PKP4: variants seen among roughly 807,000 people sequenced by gnomAD.
PKP4 encodes plakophilin-4.
A neutral mutation model predicts 145.1 loss-of-function variants in PKP4; 90 were observed. The ratio of observed to expected loss-of-function variants is 0.62; its 90% CI spans 0.52 to 0.74. The LOEUF (loss-of-function observed/expected upper bound fraction) is 0.74, where lower values mean the gene tolerates loss of function less well. Among genes scored for constraint, PKP4 ranks in the 30% least tolerant of loss-of-function variants. PKP4 has a pLI of 0.00. For missense variants in PKP4, 1,340 were observed against 1,482.7 expected (o/e 0.90, Z 1.58); for synonymous variants, 563 against 577.2 (o/e 0.98, Z 0.35).
intron 1 of PKP4, among the ~76,000 whole-genome samples, chr2:158,522,882 AAAATCGG>A (rs2042533593): frequency 6.6e-6 from 1 of 152,212 alleles, no homozygotes; most frequent in Non-Finnish European, 1.5e-5. Flanking sequence ...ACGCACCTGG[AAAATCGG>A]GTCACTCCCA....
chr2:158,677,270 C>A, intron 20 of PKP4: 1 of 258,258 alleles, frequency 3.9e-6, no homozygotes, highest in East Asian at 8.3e-5. Flanking sequence ...TGGCTCATCT[C>A]TTAAATTCAA....
chr2:158,666,306 C>A, intron 15 of PKP4, 107 bp from the exon 16 acceptor site: 5 of 1,000,964 alleles, frequency 5.0e-6, no homozygotes, highest in East Asian at 5.8e-5. Context: ...GGAAAGAAAC[C>A]ATTTAATCTA....
chr2:158,668,939 T>C (rs1052221045), intron 16 of PKP4, among the ~76,000 whole-genome samples: 12 of 152,264 alleles, frequency 7.9e-5, no homozygotes, highest in Admixed American at 7.2e-4. Context: ...ACTTACAGTT[T>C]GTCAGTTGGT....
intron 11 of PKP4, among the ~76,000 whole-genome samples, chr2:158,646,743 T>G (rs2054864808): frequency 6.6e-6 from 1 of 152,164 alleles, no homozygotes. Context: ...GGGGGAGACC[T>G]CAGAACTCAT....
intron 3 of PKP4, among the ~76,000 whole-genome samples, chr2:158,594,242 A>C (rs575898769): frequency 5.0e-4 from 76 of 152,294 alleles, no homozygotes; most frequent in African/African-American, 1.8e-3. Context: ...GGTCAGGAAC[A>C]GCTATAGCCT....
intron 1 of PKP4, among the ~76,000 whole-genome samples, chr2:158,469,248 C>A (rs1373403698): frequency 6.6e-6 from 1 of 151,862 alleles, no homozygotes; most frequent in Non-Finnish European, 1.5e-5. Flanking sequence ...CACCACCATG[C>A]CCAGCTAATT....
At chr2:158,662,672 A>T (rs774389995) in intron 13 of PKP4, 116 of 386,976 alleles carry the variant, frequency 3.0e-4, no homozygotes, top group Middle Eastern at 2.8e-3. Flanking sequence ...GTCGGCATGA[A>T]GTCAAATCCT....
At chr2:158,585,429 A>T (rs2048720046) in intron 3 of PKP4, among the ~76,000 whole-genome samples, 1 of 152,200 alleles carries the variant, frequency 6.6e-6, no homozygotes, top group South Asian at 2.1e-4. Flanking sequence ...TATTTTTTAC[A>T]CTTGATCGAG....
At chr2:158,575,801 AC>A (rs199859089) in intron 2 of PKP4, among the ~76,000 whole-genome samples, 9,448 of 151,236 alleles carry the variant, frequency 0.062, 484 homozygotes, top group Admixed American at 0.17. Flanking sequence ...AACAAAAAAA[AC>A]AAAATGATGC....
intron 13 of PKP4, chr2:158,662,668 A>G: frequency 2.6e-6 from 1 of 379,796 alleles, no homozygotes; most frequent in African/African-American, 2.0e-5. Flanking sequence ...TTCGGTCGGC[A>G]TGAAGTCAAA....
In PKP4 at chr2:158,677,249, ATCT is replaced by A. The variant is rs1206239366; in HGVS notation, c.3256+386_3256+388del. On this transcript the variant is annotated intron_variant, in intron 20 of 21. Coordinates refer to ENST00000389759, the MANE Select transcript of PKP4 (RefSeq NM_003628.6). ...CCCAGTGTCACTTTGCAGGGGCCACATCTTCTAGACTGGCTCATCTCTTAAATT... is the reference window on the plus strand; with the variant it reads ...CCCAGTGTCACTTTGCAGGGGCCACATCTAGACTGGCTCATCTCTTAAATT... 1.9e-5 allele frequency: 6 copies of A among 315,678 alleles called. No individual in the cohort carries two copies. In the East Asian group the frequency reaches 4.6e-4, roughly 24 times the overall value. The allele number at this position is 315,678 out of a possible 1,614,324, so 19.6% of individuals were successfully genotyped here.
intron 1 of PKP4, among the ~76,000 whole-genome samples, chr2:158,481,817 T>C (rs1430105484): frequency 4.6e-5 from 7 of 152,176 alleles, no homozygotes; most frequent in Admixed American, 4.6e-4. Context: ...ATAAGTAAAA[T>C]GTACGTGGAG....
intron 1 of PKP4, among the ~76,000 whole-genome samples, chr2:158,481,262 G>T (rs184258565): frequency 1.3e-5 from 2 of 152,036 alleles, no homozygotes; most frequent in Non-Finnish European, 2.9e-5. Flanking sequence ...CCATCACATG[G>T]TTATACCACA....
intron 1 of PKP4, among the ~76,000 whole-genome samples, chr2:158,505,999 A>C (rs2040943366): frequency 6.6e-6 from 1 of 152,214 alleles, no homozygotes; most frequent in African/African-American, 2.4e-5. Context: ...GTAAAATAAT[A>C]AGCCTGAACT....
intron 2 of PKP4, among the ~76,000 whole-genome samples, chr2:158,550,191 G>T (rs1170702750): frequency 2.0e-5 from 2 of 101,180 alleles, no homozygotes; most frequent in East Asian, 2.3e-4. Flanking sequence ...AAACACAGAA[G>T]TCTATTTGTA....
At chr2:158,475,747 A>G (rs968133843) in intron 1 of PKP4, among the ~76,000 whole-genome samples, 3 of 152,098 alleles carry the variant, frequency 2.0e-5, no homozygotes, top group Admixed American at 2.0e-4. Flanking sequence ...CCATTTGTTC[A>G]CTGTGAAAAC....
At chr2:158,564,625 C>T (rs1559331026) in intron 2 of PKP4, among the ~76,000 whole-genome samples, 1 of 152,108 alleles carries the variant, frequency 6.6e-6, no homozygotes. Flanking sequence ...TGTAAGTGCC[C>T]ATTTCCCCCC....
At chr2:158,651,221 T>C (rs185509038) in intron 11 of PKP4, among the ~76,000 whole-genome samples, 1 of 152,308 alleles carries the variant, frequency 6.6e-6, no homozygotes, top group African/African-American at 2.4e-5. Flanking sequence ...GACAGTTTTA[T>C]GGCACTGATT....
At chr2:158,628,501 T>G (rs1481321150) in intron 7 of PKP4, among the ~76,000 whole-genome samples, 1 of 152,162 alleles carries the variant, frequency 6.6e-6, no homozygotes, top group Non-Finnish European at 1.5e-5. Flanking sequence ...TATTATGTCA[T>G]TCAGAAGGAT....
Sources: allele counts gnomAD v4.1 joint callset (sites outside exome capture counted in the v4.1 genomes callset), GRCh38; gene constraint gnomAD v4.1.1; transcripts MANE v1.5; gene names NCBI Gene and HGNC (gene_info 2026-07-23, HGNC 2026-07-21).